Variants in EHMT1 observed in about 807,000 individuals in gnomAD.
The protein encoded by EHMT1 is histone-lysine N-methyltransferase EHMT1.
EHMT1 carries 15 observed loss-of-function variants against 147.2 expected under a neutral mutation model. The ratio of observed to expected loss-of-function variants is 0.10; its 90% CI spans 0.07 to 0.16. EHMT1 has a LOEUF of 0.16. Ranked by LOEUF, EHMT1 falls within the 10% of genes least tolerant of loss-of-function variation. EHMT1 has a pLI of 1.00. For synonymous variants in EHMT1, 795 were observed against 709.6 expected (o/e 1.12, Z -1.91); for missense variants, 1,587 against 1,772.4 (o/e 0.90, Z 1.88).
At chr9:137,648,336 A>G (rs1845056265) in intron 1 of EHMT1, among the ~76,000 whole-genome samples, 1 of 152,098 alleles carries the variant, frequency 6.6e-6, no homozygotes, top group Non-Finnish European at 1.5e-5. Context: ...TCAGTAAAGG[A>G]ACTGGATATA....
At chr9:137,739,682 G>A (rs1947882939) in intron 4 of EHMT1, among the ~76,000 whole-genome samples, 1 of 152,276 alleles carries the variant, frequency 6.6e-6, no homozygotes, top group South Asian at 2.1e-4. Context: ...AGAAGCTGCA[G>A]GTTGCTGCAG....
chr9:137,686,730 C>CTTTTTTT (rs34204547), intron 1 of EHMT1, among the ~76,000 whole-genome samples: 4 of 111,008 alleles, frequency 3.6e-5, no homozygotes, highest in Non-Finnish European at 7.5e-5. Flanking sequence ...CTCATTCTTT[C>CTTTTTTT]TTTTTTTTTT....
In EHMT1 at chr9:137,775,078, G is replaced by A; in HGVS notation, c.1648-31G>A. 6.2e-7 allele frequency: 1 copy of A among 1,613,946 alleles called. No individual in the cohort carries two copies. Among genetic ancestry groups the A allele is most frequent in the Non-Finnish European group, 8.5e-7 (1 of 1,180,010 alleles). On this transcript the variant is annotated intron_variant, in intron 10 of 26. Coordinates refer to ENST00000460843, the MANE Select transcript of EHMT1 (RefSeq NM_024757.5). This position sits in a 1 kb window ranked among gnomAD's most constrained non-coding sequence, Gnocchi z 6.1. The stretch of plus-strand genomic sequence containing the variant: ...GGGAATGCCGGCCTCTCGTGACTCT[G>A]ACATTGACCACCAGTCTTGTCTGAT...
chr9:137,791,712 G>T (rs1952539822), intron 16 of EHMT1, among the ~76,000 whole-genome samples: 1 of 152,050 alleles, frequency 6.6e-6, no homozygotes, highest in South Asian at 2.1e-4. Context: ...TAGAGTCCAT[G>T]GAGTCCTTAC....
Position 137,778,021 on chromosome 9 carries a change from T to C in EHMT1, c.2158T>C (p.Leu720=), listed in dbSNP as rs1275986557. 9 of 1,613,832 alleles carry C rather than the reference T, an allele frequency of 5.6e-6. No homozygotes were observed. The highest frequency in any genetic ancestry group is 6.8e-6 in the Non-Finnish European group (8 of 1,180,016). ...GLSQGPGKET[L]ESALIALDSE... is the part of the protein sequence containing the mutation. The stretch of plus-strand genomic sequence containing the variant: ...TTCCCAGGGACCAGGGAAGGAAACC[T>C]TGGAGAGCGCTCTCATCGCCCTCGA... Residue 720 remains leucine, a synonymous_variant, in exon 13 of 27, where the codon TTG becomes CTG. Transcript: ENST00000460843.
intron 1 of EHMT1, among the ~76,000 whole-genome samples, chr9:137,704,075 A>G (rs1351982159): frequency 6.6e-6 from 1 of 152,146 alleles, no homozygotes; most frequent in Non-Finnish European, 1.5e-5. Flanking sequence ...GGGAAGTGCC[A>G]CACACTTTCC....
chr9:137,649,276 A>G (rs1845130905), intron 1 of EHMT1, among the ~76,000 whole-genome samples: 1 of 152,148 alleles, frequency 6.6e-6, no homozygotes, highest in Non-Finnish European at 1.5e-5. Context: ...CCTGGTCAAC[A>G]TGGGGAAACC....
At chr9:137,722,255 A>G (rs956767303) in intron 3 of EHMT1, among the ~76,000 whole-genome samples, 1 of 152,186 alleles carries the variant, frequency 6.6e-6, no homozygotes, top group African/African-American at 2.4e-5. Flanking sequence ...TTAGGGAAAA[A>G]AAGCAATTTG....
At chr9:137,756,917 AG>A (rs765000631) in intron 8 of EHMT1, among the ~76,000 whole-genome samples, 1 of 152,080 alleles carries the variant, frequency 6.6e-6, no homozygotes, top group Admixed American at 6.5e-5. Context: ...ATCTAGGTGG[AG>A]CATGTGGCTT....
At chr9:137,646,953 T>C (rs1844935221) in intron 1 of EHMT1, among the ~76,000 whole-genome samples, 1 of 152,174 alleles carries the variant, frequency 6.6e-6, no homozygotes, top group Non-Finnish European at 1.5e-5. Context: ...CTTTTGGTTA[T>C]GGTCACCATT....
intron 16 of EHMT1, among the ~76,000 whole-genome samples, chr9:137,795,429 TCTC>T (rs1486861601): frequency 0.013 from 258 of 19,568 alleles, 3 homozygotes; most frequent in Admixed American, 0.02. Context: ...ACACACACAC[TCTC>T]ACACTCACAT....
chr9:137,720,261 C>T (rs1564636169), intron 3 of EHMT1, among the ~76,000 whole-genome samples: 1 of 152,160 alleles, frequency 6.6e-6, no homozygotes, highest in Non-Finnish European at 1.5e-5. Context: ...CAGACCTGAA[C>T]CTGTGCCAGC....
rs773511612 is a variant in EHMT1 at position 137,717,104 on chromosome 9, C to T, written c.564C>T (p.Asp188=). The T allele has an allele frequency of 6.2e-7, 1 of 1,612,512 alleles. No homozygotes were observed. Among genetic ancestry groups the T allele is most frequent in the Non-Finnish European group, 8.5e-7 (1 of 1,179,874 alleles). The change falls in exon 3 of 27, where the codon GAC becomes GAT. Residue 188 remains aspartate (D), a synonymous_variant. Transcript: ENST00000460843. Reference sequence around the variant, plus strand: ...GGGAGGGGAGTGCTGACACAGAGGACAGGAAGCTCCCGGCCCCTGGCGCCG... The same window carrying T: ...GGGAGGGGAGTGCTGACACAGAGGATAGGAAGCTCCCGGCCCCTGGCGCCG... ...TLGEGSADTE[D]RKLPAPGADV... is the part of the protein sequence containing the mutation.
intron 18 of EHMT1, chr9:137,803,129 GCT>G: frequency 8.1e-6 from 10 of 1,228,708 alleles, no homozygotes; most frequent in Non-Finnish European, 9.1e-6. Flanking sequence ...AGAGCTGTTA[GCT>G]CTCTGATGCT....
chr9:137,815,814 T>TC, intron 22 of EHMT1, 133 bp from the exon 23 acceptor site: 1 of 780,998 alleles, frequency 1.3e-6, no homozygotes, highest in Admixed American at 2.0e-5. Context: ...AGGTGGGTGT[T>TC]CAAGTTTGGC....
chr9:137,682,863 G>A (rs1942088537), intron 1 of EHMT1, among the ~76,000 whole-genome samples: 1 of 152,210 alleles, frequency 6.6e-6, no homozygotes, highest in Non-Finnish European at 1.5e-5. Flanking sequence ...CTAGGACGAT[G>A]GGTCACTCCA....
chr9:137,832,513 G>A (rs1213400752), intron 25 of EHMT1: 1 of 148,932 alleles, frequency 6.7e-6, no homozygotes, highest in African/African-American at 2.6e-5. Context: ...GGATTGGCTG[G>A]GCTCCCTCCG....
At position 137,688,485 on chromosome 9, in the gene EHMT1, C is replaced by A. The variant is rs1942654473; in HGVS notation, c.22-22482C>A. Among the ~76,000 whole-genome samples, 3 of 152,162 alleles carry A rather than the reference C, an allele frequency of 2.0e-5. No individual in the cohort carries two copies. In the South Asian group the frequency reaches 6.2e-4, roughly 32 times the overall value. On this transcript the variant is annotated intron_variant, in intron 1 of 26. Transcript: ENST00000460843. Reference sequence around the variant, plus strand: ...AGCGCTGCACCCCTCCTCCTCAGAGCACATGGAGGGCCACACTGATGCCTG... The same window carrying A: ...AGCGCTGCACCCCTCCTCCTCAGAGAACATGGAGGGCCACACTGATGCCTG...
intron 10 of EHMT1, among the ~76,000 whole-genome samples, chr9:137,767,602 C>T (rs1318746405): frequency 1.3e-5 from 2 of 152,156 alleles, no homozygotes; most frequent in Non-Finnish European, 1.5e-5. Flanking sequence ...TGCTTGAGGT[C>T]AGGAGTTCAA....
Sources: allele counts gnomAD v4.1 joint callset (sites outside exome capture counted in the v4.1 genomes callset), GRCh38; gene constraint gnomAD v4.1.1; non-coding constraint Gnocchi (gnomAD v3.1); transcripts MANE v1.5; gene names NCBI Gene and HGNC (gene_info 2026-07-23, HGNC 2026-07-21).